The following SORCS2 variants were observed in gnomAD, a reference collection of about 807,000 sequenced individuals.
SORCS2 encodes VPS10 domain-containing receptor SorCS2.
Under a neutral mutation model 141.6 loss-of-function variants are expected in SORCS2, and 100 were observed. The observed-to-expected ratio is 0.71, with a 90% CI of 0.60 to 0.83. The LOEUF (loss-of-function observed/expected upper bound fraction) is 0.83, where lower values mean the gene tolerates loss of function less well. SORCS2 is among the 40% of genes least tolerant of loss of function. The pLI, the probability that SORCS2 is intolerant of heterozygous loss-of-function variation, is 0.00. For missense variants in SORCS2, 1,646 were observed against 1,560.2 expected (o/e 1.05, Z -0.93); for synonymous variants, 789 against 676.9 (o/e 1.17, Z -2.57).
intron 1 of SORCS2, among the ~76,000 whole-genome samples, chr4:7,212,461 G>T (rs1175625942): frequency 3.3e-5 from 5 of 152,254 alleles, no homozygotes; most frequent in African/African-American, 1.2e-4. Context: ...GAACCAGAAT[G>T]TCCAGGGGGC....
At chr4:7,612,457 C>A (rs979808924) in intron 3 of SORCS2, among the ~76,000 whole-genome samples, 1 of 152,160 alleles carries the variant, frequency 6.6e-6, no homozygotes, top group Non-Finnish European at 1.5e-5. Context: ...ATCTCCATCT[C>A]CTTAAGGACA....
chr4:7,349,097 A>C (rs1013098356), intron 1 of SORCS2, among the ~76,000 whole-genome samples: 4 of 152,176 alleles, frequency 2.6e-5, no homozygotes, highest in African/African-American at 9.6e-5. Context: ...TATGCCAGTC[A>C]CTGAGCTTGG....
At chr4:7,705,610 G>A (rs943082284) in intron 14 of SORCS2, among the ~76,000 whole-genome samples, 7 of 152,226 alleles carry the variant, frequency 4.6e-5, no homozygotes, top group South Asian at 4.1e-4. Context: ...TCGCCCACTC[G>A]GCTGGAGTGG....
chr4:7,227,240 C>T (rs1252892076), intron 1 of SORCS2, among the ~76,000 whole-genome samples: 4 of 152,204 alleles, frequency 2.6e-5, no homozygotes, highest in South Asian at 2.1e-4. Flanking sequence ...AGGATAGGCT[C>T]CAGCCTGGCT....
chr4:7,312,299 C>T (rs1403853521), intron 1 of SORCS2, among the ~76,000 whole-genome samples: 2 of 152,206 alleles, frequency 1.3e-5, no homozygotes, highest in African/African-American at 2.4e-5. Flanking sequence ...AAGCTTCTCA[C>T]ACTCAAGCAC....
chr4:7,236,189 G>T (rs966119632), intron 1 of SORCS2, among the ~76,000 whole-genome samples: 4 of 152,194 alleles, frequency 2.6e-5, no homozygotes, highest in Non-Finnish European at 5.9e-5. Context: ...AAATACAGAA[G>T]GGGAATATGA....
At chr4:7,392,856 C>T (rs776014283) in intron 1 of SORCS2, among the ~76,000 whole-genome samples, 2 of 151,508 alleles carry the variant, frequency 1.3e-5, no homozygotes, top group Non-Finnish European at 2.9e-5. Flanking sequence ...CCTCAGTTTC[C>T]TCAGCCGTAA....
chr4:7,699,741 G>C (rs1724938262), intron 12 of SORCS2, among the ~76,000 whole-genome samples: 2 of 152,132 alleles, frequency 1.3e-5, no homozygotes, highest in African/African-American at 4.8e-5. Flanking sequence ...ACCCAGCGTG[G>C]TCTCCGCCAC....
intron 2 of SORCS2, among the ~76,000 whole-genome samples, chr4:7,529,535 G>T (rs1733899588): frequency 6.6e-6 from 1 of 152,174 alleles, no homozygotes. Context: ...CTGAGGCCAG[G>T]CTGGATGCTG....
chr4:7,530,750 T>C (rs930270061), intron 2 of SORCS2, among the ~76,000 whole-genome samples: 1 of 152,268 alleles, frequency 6.6e-6, no homozygotes, highest in Non-Finnish European at 1.5e-5. Context: ...TGAAGTTGCC[T>C]TTGTGGCTTA....
rs146766367 is a variant in SORCS2 at position 7,549,817 on chromosome 4, C to T, written c.648+18188C>T. Among the ~76,000 whole-genome samples the T allele has an allele frequency of 6.6e-3, 1,012 of 152,282 alleles. 16 individuals are homozygous for T. The highest frequency in any genetic ancestry group is 0.023 in the African/African-American group (952 of 41,548). On this transcript the variant is annotated intron_variant, in intron 3 of 26. Coordinates refer to ENST00000507866, the MANE Select transcript of SORCS2 (RefSeq NM_020777.3). The stretch of plus-strand genomic sequence containing the variant: ...CACCGTATCTTATCCCTCTTTGCCC[C>T]CAGGACACACCAAGGGCAACCATAT...
At chr4:7,539,804 T>G (rs1330979014) in intron 3 of SORCS2, among the ~76,000 whole-genome samples, 2 of 141,160 alleles carry the variant, frequency 1.4e-5, no homozygotes, top group Non-Finnish European at 3.1e-5. Flanking sequence ...TCTGCCTCCT[T>G]CCTGCTGTGG....
At chr4:7,574,036 CCCT>C (rs1715576118) in intron 3 of SORCS2, among the ~76,000 whole-genome samples, 1 of 152,238 alleles carries the variant, frequency 6.6e-6, no homozygotes, top group African/African-American at 2.4e-5. Flanking sequence ...TAGAACCGTC[CCCT>C]CCTCCTCGTT....
intron 9 of SORCS2, among the ~76,000 whole-genome samples, chr4:7,679,454 A>G (rs1443546708): frequency 6.6e-6 from 1 of 152,250 alleles, no homozygotes; most frequent in East Asian, 1.9e-4. Flanking sequence ...ATGAAGTGAA[A>G]GACTCAAGCA....
In SORCS2 at chr4:7,590,607, C is replaced by G. The variant is rs190188098; in HGVS notation, c.649-47721C>G. 5.3e-5 allele frequency among the ~76,000 whole-genome samples: 8 copies of G among 152,296 alleles called. No individual in the cohort carries two copies. The East Asian group carries it at 1.4e-3, about 26-fold the overall frequency. On this transcript the variant is annotated intron_variant, in intron 3 of 26. Transcript: ENST00000507866. ...TGGGTGAGGATGGAGGTAGACGTCT[C>G]CATTTTTGAGATGTGGAAACTGAGG...
At chr4:7,475,657 G>GCA (rs1355276663) in intron 2 of SORCS2, among the ~76,000 whole-genome samples, 1 of 152,234 alleles carries the variant, frequency 6.6e-6, no homozygotes, top group African/African-American at 2.4e-5. Context: ...GACTGTGTGT[G>GCA]CACCTGTACA....
intron 2 of SORCS2, among the ~76,000 whole-genome samples, chr4:7,504,386 G>A (rs1204478633): frequency 6.6e-6 from 1 of 152,230 alleles, no homozygotes; most frequent in Non-Finnish European, 1.5e-5. Context: ...GAGAGTGGGG[G>A]AAGTGGAGAG....
At chr4:7,511,168 C>T (rs978266723) in intron 2 of SORCS2, among the ~76,000 whole-genome samples, 3 of 152,080 alleles carry the variant, frequency 2.0e-5, no homozygotes, top group Non-Finnish European at 4.4e-5. Flanking sequence ...ACTACATCCA[C>T]GCAGAGCCCT....
chr4:7,585,450 T>G (rs1716476499), intron 3 of SORCS2, among the ~76,000 whole-genome samples: 2 of 152,200 alleles, frequency 1.3e-5, no homozygotes, highest in African/African-American at 2.4e-5. Context: ...TGGTCCCCTG[T>G]GTCAGGCAAG....
Sources: allele counts gnomAD v4.1 joint callset (sites outside exome capture counted in the v4.1 genomes callset), GRCh38; gene constraint gnomAD v4.1.1; transcripts MANE v1.5; gene names NCBI Gene and HGNC (gene_info 2026-07-23, HGNC 2026-07-21).